CCSER1: variants seen among roughly 807,000 people sequenced by gnomAD.
CCSER1 encodes coiled-coil serine rich protein 1.
Under a neutral mutation model 82.0 loss-of-function variants are expected in CCSER1, and 41 were observed. The observed-to-expected ratio is 0.50, with a 90% confidence interval of 0.39 to 0.65. CCSER1 has a LOEUF of 0.65. Ranked by LOEUF, CCSER1 falls within the 30% of genes least tolerant of loss-of-function variation. CCSER1 has a pLI of 0.00. For synonymous variants in CCSER1, 414 were observed against 383.9 expected (o/e 1.08, Z -0.92); for missense variants, 1,119 against 1,064.2 (o/e 1.05, Z -0.72).
chr4:90,925,935 C>G (rs533795627), intron 9 of CCSER1, among the ~76,000 whole-genome samples: 134 of 152,074 alleles, frequency 8.8e-4, no homozygotes, highest in African/African-American at 3.1e-3. Flanking sequence ...TAATACTAAA[C>G]TTTAGGGCAT....
chr4:91,575,355 A>C (rs1763399436), intron 10 of CCSER1, among the ~76,000 whole-genome samples: 1 of 152,042 alleles, frequency 6.6e-6, no homozygotes, highest in Non-Finnish European at 1.5e-5. Flanking sequence ...CAAAAGCAAA[A>C]TATGATCAAG....
chr4:91,424,871 G>A (rs561680969), intron 10 of CCSER1, among the ~76,000 whole-genome samples: 54 of 152,134 alleles, frequency 3.5e-4, no homozygotes, highest in African/African-American at 1.3e-3. Flanking sequence ...TTAGGTAAGA[G>A]AAACAAGAAA....
chr4:90,499,334 G>A (rs1199173382), intron 5 of CCSER1, among the ~76,000 whole-genome samples: 1 of 152,020 alleles, frequency 6.6e-6, no homozygotes, highest in Non-Finnish European at 1.5e-5. Context: ...ACTACCAAGA[G>A]ATCTATTTCA....
At chr4:91,416,189 A>C (rs1277602689) in intron 10 of CCSER1, among the ~76,000 whole-genome samples, 1 of 152,164 alleles carries the variant, frequency 6.6e-6, no homozygotes, top group Non-Finnish European at 1.5e-5. Flanking sequence ...CTACTCCTCA[A>C]GGAAATCAGA....
chr4:90,991,713 A>G (rs1333352122), intron 9 of CCSER1, among the ~76,000 whole-genome samples: 1 of 152,064 alleles, frequency 6.6e-6, no homozygotes, highest in East Asian at 1.9e-4. Flanking sequence ...GTCCATAGCT[A>G]TGATTAGGAC....
intron 9 of CCSER1, among the ~76,000 whole-genome samples, chr4:90,931,636 C>T (rs1729835668): frequency 6.6e-6 from 1 of 152,108 alleles, no homozygotes; most frequent in Admixed American, 6.6e-5. Flanking sequence ...GCTTTTGTTT[C>T]ACTAGGCAAT....
chr4:90,587,626 A>G (rs1422375940), intron 5 of CCSER1, among the ~76,000 whole-genome samples: 3 of 152,224 alleles, frequency 2.0e-5, no homozygotes, highest in Non-Finnish European at 4.4e-5. Context: ...CGTTTAGGAC[A>G]TATAGTTAAT....
chr4:90,605,628 A>C (rs1040063280), intron 5 of CCSER1, among the ~76,000 whole-genome samples: 5 of 152,192 alleles, frequency 3.3e-5, no homozygotes, highest in African/African-American at 1.2e-4. Flanking sequence ...TCTAGTCCTA[A>C]TGCAGAGGAG....
intron 8 of CCSER1, among the ~76,000 whole-genome samples, chr4:90,823,514 G>T (rs1760042043): frequency 6.6e-6 from 1 of 152,026 alleles, no homozygotes; most frequent in Admixed American, 6.6e-5. Context: ...TTCAAAATAA[G>T]CAATGAGAGC....
At chr4:90,470,649 T>C (rs1764232806) in intron 5 of CCSER1, among the ~76,000 whole-genome samples, 1 of 151,264 alleles carries the variant, frequency 6.6e-6, no homozygotes, top group Non-Finnish European at 1.5e-5. Context: ...TTTCATTTTC[T>C]GGGAGGTTCC....
chr4:90,763,649 C>T (rs186171383), intron 7 of CCSER1, among the ~76,000 whole-genome samples: 18 of 152,212 alleles, frequency 1.2e-4, no homozygotes, highest in East Asian at 1.9e-4. Flanking sequence ...TTATGTCCCA[C>T]AGTTCTGCCC....
intron 9 of CCSER1, among the ~76,000 whole-genome samples, chr4:90,964,364 CA>C (rs1165836807): frequency 6.6e-6 from 1 of 151,914 alleles, no homozygotes; most frequent in Non-Finnish European, 1.5e-5. Flanking sequence ...CTTTAAGAGA[CA>C]TGTAATAAAA....
chr4:91,448,038 A>C (rs1755666273), intron 10 of CCSER1, among the ~76,000 whole-genome samples: 1 of 152,130 alleles, frequency 6.6e-6, no homozygotes, highest in Non-Finnish European at 1.5e-5. Context: ...GCAAAGTTTT[A>C]CATAGGCAAG....
chr4:90,887,494 T>G (rs1415210121), intron 8 of CCSER1, among the ~76,000 whole-genome samples: 2 of 152,194 alleles, frequency 1.3e-5, no homozygotes, highest in African/African-American at 2.4e-5. Flanking sequence ...GCACCATTTC[T>G]CTCTATTCTA....
chr4:91,372,440 T>C (rs1226943027), intron 10 of CCSER1, among the ~76,000 whole-genome samples: 1 of 152,176 alleles, frequency 6.6e-6, no homozygotes, highest in Non-Finnish European at 1.5e-5. Context: ...TGATTTAGTT[T>C]GTTTTACCTT....
intron 10 of CCSER1, among the ~76,000 whole-genome samples, chr4:91,393,038 C>T (rs1486412147): frequency 6.6e-6 from 1 of 151,916 alleles, no homozygotes; most frequent in Non-Finnish European, 1.5e-5. Flanking sequence ...CCTTGCAAAC[C>T]AATGGAGTAA....
intron 10 of CCSER1, among the ~76,000 whole-genome samples, chr4:91,208,250 T>C (rs1296432398): frequency 6.6e-6 from 1 of 151,964 alleles, no homozygotes; most frequent in Non-Finnish European, 1.5e-5. Flanking sequence ...CATTTGTCAA[T>C]TTTGCTTTTG....
At position 90,145,595 on chromosome 4, in the gene CCSER1, A is replaced by G. The variant is rs148311583; in HGVS notation, c.-42+17764A>G. On this transcript the variant is annotated intron_variant, in intron 1 of 10. Coordinates refer to ENST00000509176, the MANE Select transcript of CCSER1 (RefSeq NM_001145065.2). ...ACATCTGTGTTTATAGGAACTGGCT[A>G]TAGATGCCTAAACTGTGAGGGAATA... is the stretch of plus-strand genomic sequence containing the variant. 1.8e-3 allele frequency among the ~76,000 whole-genome samples: 270 copies of G among 152,250 alleles called. 2 individuals are homozygous for G. Among genetic ancestry groups the G allele is most frequent in the African/African-American group, 6.3e-3 (262 of 41,582 alleles).
chr4:90,766,020 C>T (rs982782580), intron 7 of CCSER1, among the ~76,000 whole-genome samples: 5 of 151,412 alleles, frequency 3.3e-5, no homozygotes, highest in Admixed American at 2.0e-4. Context: ...TTAGCAGGAA[C>T]ATTAAAGGCA....
Sources: gnomAD v4.1 joint callset for allele counts (sites outside exome capture counted in the v4.1 genomes callset) on GRCh38, gnomAD v4.1.1 for gene constraint, MANE v1.5 for transcripts, NCBI Gene and HGNC (gene_info 2026-07-23, HGNC 2026-07-21) for gene names.